WDR18: variants seen among roughly 807,000 people sequenced by gnomAD.
WDR18 encodes WD repeat-containing protein 18.
In WDR18, 33 loss-of-function variants were observed where a neutral mutation model predicts 49.6. The ratio of observed to expected loss-of-function variants is 0.67; its 90% CI spans 0.50 to 0.89. The LOEUF (loss-of-function observed/expected upper bound fraction) is 0.89, where lower values mean the gene tolerates loss of function less well. Ranked by LOEUF, WDR18 falls within the 40% of genes least tolerant of loss-of-function variation. WDR18 has a pLI of 0.00. For missense variants in WDR18, 653 were observed against 593.6 expected, an observed-to-expected ratio of 1.10 and a Z score of -1.04; for synonymous variants, 315 against 263.6, an observed-to-expected ratio of 1.19 and a Z score of -1.89.
chr19:994,170 AC>A (rs1275466645), intron 9 of WDR18, 42 bp from the exon 10 acceptor site: 2 of 1,563,126 alleles, frequency 1.3e-6, no homozygotes, highest in Non-Finnish European at 1.7e-6. Context: ...CCTCCAGCAC[AC>A]CCCAGGCCAC....
chr19:990,187 TC>T (rs1170496436), intron 3 of WDR18, 35 bp from the exon 4 acceptor site: 4 of 1,573,232 alleles, frequency 2.5e-6, no homozygotes, highest in Non-Finnish European at 3.4e-6. Flanking sequence ...TTCCCTCCGC[TC>T]CCCGCCTGCT....
At chr19:994,127 G>T (rs760290391) in intron 9 of WDR18, 39 bp downstream of exon 9, 2 of 1,548,874 alleles carry the variant, frequency 1.3e-6, no homozygotes, top group East Asian at 2.4e-5. Context: ...CTGAGGCTGG[G>T]GTCAGTCCTG....
intron 9 of WDR18, 51 bp downstream of exon 9, chr19:994,139 C>G: frequency 1.9e-6 from 3 of 1,547,492 alleles, no homozygotes; most frequent in Non-Finnish European, 2.6e-6. Context: ...TCAGTCCTGG[C>G]CAGTGGGGGT....
Position 990,350 on chromosome 19 carries a change from G to A in WDR18, c.583G>A (p.Asp195Asn). 1.3e-6 allele frequency: 2 copies of A among 1,577,900 alleles called. No homozygotes were observed. The highest frequency in any genetic ancestry group is 1.7e-6 in the Non-Finnish European group (2 of 1,169,580). The change falls in exon 4 of 10, where the codon GAC becomes AAC. Residue 195 changes from aspartate (D) to asparagine (N), a missense_variant. Coordinates refer to ENST00000585809, the MANE Select transcript of WDR18 (RefSeq NM_024100.4). ...GGCCCGGGTGGCCACCTCCTCACTG[G>A]ACCAGACGGTGAAGGTACGCCGCCC... ...PLARVATSSL[D>N]QTVKLWEVSS...
At position 985,854 on chromosome 19, in the gene WDR18, T is replaced by C; in HGVS notation, c.211-11T>C. The C allele has an allele frequency of 6.2e-7, 1 of 1,613,596 alleles. No homozygotes were observed. The highest frequency in any genetic ancestry group is 1.3e-5 in the African/African-American group (1 of 75,034). On this transcript the variant is annotated splice_polypyrimidine_tract_variant and intron_variant, in intron 1 of 9. Transcript: ENST00000585809. ...TGCATGGGGCTCACGAGGCTGACTGTGCATCCTTAGGACCAGCTCCAGCAG... is the reference window on the plus strand; with the variant it reads ...TGCATGGGGCTCACGAGGCTGACTGCGCATCCTTAGGACCAGCTCCAGCAG...
At chr19:985,784 C>A in intron 1 of WDR18, 81 bp from the exon 2 acceptor site, 1 of 1,355,606 alleles carries the variant, frequency 7.4e-7, no homozygotes. Context: ...ATTGCCCAGG[C>A]GTCCCCTCCC....
chr19:993,357 G>A (rs1278517236), intron 8 of WDR18, among the ~76,000 whole-genome samples: 2 of 152,210 alleles, frequency 1.3e-5, no homozygotes, highest in Non-Finnish European at 1.5e-5. Flanking sequence ...GTGGGATTCC[G>A]GAGGGGGCCA....
chr19:991,426 G>A, intron 7 of WDR18, 75 bp downstream of exon 7: 1 of 1,418,486 alleles, frequency 7.0e-7, no homozygotes, highest in Non-Finnish European at 9.3e-7. Flanking sequence ...CTTGGCTTGG[G>A]TGGGGGCGGG....
At position 994,278 on chromosome 19, in the gene WDR18, C is replaced by G. The variant is rs888424166; in HGVS notation, c.1233C>G (p.Asn411Lys). 2 of 1,610,502 alleles carry G rather than the reference C, an allele frequency of 1.2e-6. No homozygotes were observed. The highest frequency in any genetic ancestry group is 3.3e-5 in the Admixed American group (2 of 59,848). ...CGGAGCTGGAGGACGAGGTGCGCAA[C>G]CTGCGCAAGATCAATCGGGACCTGT... is the stretch of plus-strand genomic sequence containing the variant. ...RVTELEDEVR[N>K]LRKINRDLFD... The change falls in exon 10 of 10, where the codon AAC (asparagine) becomes AAG (lysine). Residue 411 changes from asparagine to lysine, a missense_variant. Asn to Lys is a moderately conservative substitution (Grantham distance 94). Coordinates refer to ENST00000585809, the MANE Select transcript of WDR18 (RefSeq NM_024100.4).
intron 7 of WDR18, 91 bp downstream of exon 7, chr19:991,442 G>T: frequency 3.6e-6 from 1 of 275,040 alleles, no homozygotes; most frequent in Non-Finnish European, 4.9e-6. Context: ...GCGGGGACTG[G>T]TTTGCTGTGG....
At chr19:984,667 G>C in intron 1 of WDR18, 104 bp downstream of exon 1, 1 of 1,199,780 alleles carries the variant, frequency 8.3e-7, no homozygotes, top group Non-Finnish European at 1.1e-6. Flanking sequence ...AATTGGCGTG[G>C]GGAGGGGAGG....
At chr19:984,309 G>C (rs369584098), upstream of WDR18, 431 of 1,519,036 alleles carry the variant, frequency 2.8e-4, no homozygotes, top group Non-Finnish European at 3.7e-4. Context: ...AGTCGTCCGC[G>C]TCTCGCTCAT....
intron 4 of WDR18, chr19:990,629 C>G (rs1373911407): frequency 1.2e-6 from 1 of 823,420 alleles, no homozygotes; most frequent in East Asian, 2.9e-5. Flanking sequence ...ACCGGTGGTC[C>G]TGGGAGGGAG....
intron 2 of WDR18, among the ~76,000 whole-genome samples, chr19:988,277 G>T (rs930388455): frequency 6.6e-6 from 1 of 151,816 alleles, no homozygotes; most frequent in Admixed American, 6.6e-5. Context: ...GTGTGTGAGC[G>T]GTGAGTCAGG....
chr19:987,519 G>T (rs1327067859), intron 2 of WDR18, among the ~76,000 whole-genome samples: 1 of 152,132 alleles, frequency 6.6e-6, no homozygotes, highest in Non-Finnish European at 1.5e-5. Flanking sequence ...CAGGTAGCTG[G>T]GATTATAGGC....
Position 985,916 on chromosome 19 carries a change from G to C in WDR18, c.262G>C (p.Ala88Pro). 6.2e-7 allele frequency: 1 copy of C among 1,613,934 alleles called. No homozygotes were observed. Among genetic ancestry groups the C allele is most frequent in the Non-Finnish European group, 8.5e-7 (1 of 1,179,980 alleles). The part of the protein sequence containing the change: ...MCPGPVTCLT[A>P]SPNGLYVLAG... ...CCCCGGGCCTGTCACCTGTCTGACTGCATCACCCAATGGTCTCTACGTCCT... is the reference window on the plus strand; with the variant it reads ...CCCCGGGCCTGTCACCTGTCTGACTCCATCACCCAATGGTCTCTACGTCCT... Residue 88 changes from alanine (A) to proline (P), a missense_variant, in exon 2 of 10, where the codon GCA (alanine) becomes CCA (proline). Ala to Pro is a conservative substitution (Grantham distance 27, BLOSUM62 -1). Transcript: ENST00000585809.
intron 2 of WDR18, 73 bp downstream of exon 2, chr19:986,048 G>A (rs1277583918): frequency 1.4e-6 from 2 of 1,462,420 alleles, no homozygotes; most frequent in Non-Finnish European, 1.9e-6. Flanking sequence ...CAGGGCACCA[G>A]GGAACAACCA....
chr19:989,352 C>T (rs1307132776), intron 2 of WDR18, among the ~76,000 whole-genome samples: 2 of 152,152 alleles, frequency 1.3e-5, no homozygotes, highest in African/African-American at 4.8e-5. Flanking sequence ...GTCAGGCCAC[C>T]ACAGCCTGCC....
intron 8 of WDR18, among the ~76,000 whole-genome samples, chr19:993,807 C>T (rs1385027214): frequency 6.6e-6 from 1 of 152,146 alleles, no homozygotes; most frequent in African/African-American, 2.4e-5. Context: ...GGATCTGAGG[C>T]GCTGGGTAAT....
Sources: gnomAD v4.1 joint callset for allele counts (sites outside exome capture counted in the v4.1 genomes callset) on GRCh38, gnomAD v4.1.1 for gene constraint, MANE v1.5 for transcripts, NCBI Gene and HGNC (gene_info 2026-07-23, HGNC 2026-07-21) for gene names.